The following FOXN3 variants were observed in gnomAD, a reference collection of about 807,000 sequenced individuals.
FOXN3 encodes forkhead box protein N3.
In FOXN3, 7 loss-of-function variants were observed where a neutral mutation model predicts 38.4. The ratio of observed to expected loss-of-function variants is 0.18; its 90% CI spans 0.10 to 0.34. FOXN3 has a LOEUF of 0.34. Among genes scored for constraint, FOXN3 ranks in the 10% least tolerant of loss-of-function variants. The pLI is 1.00. For synonymous variants in FOXN3, 230 were observed against 242.2 expected (o/e 0.95, Z 0.47); for missense variants, 456 against 613.4 (o/e 0.74, Z 2.71).
chr14:89,344,684 C>G lies in FOXN3; in HGVS notation c.680+5988G>C, dbSNP rs1180979428. On this transcript the variant is annotated intron_variant, in intron 3 of 5. Transcript: ENST00000557258. ...ATACCCCCACTATAAGTACCAAAAT[C>G]ACAAAGTCAAGGTCACCCATTGAGG... 2.0e-5 allele frequency among the ~76,000 whole-genome samples: 3 copies of G among 152,290 alleles called. No homozygotes were observed. The East Asian group carries it at 5.8e-4, about 29-fold the overall frequency.
chr14:89,529,967 G>T (rs1392655836), intron 1 of FOXN3, among the ~76,000 whole-genome samples: 5 of 150,068 alleles, frequency 3.3e-5, no homozygotes, highest in African/African-American at 4.9e-5. Flanking sequence ...TTGATACAGG[G>T]TCTCACTCTG....
chr14:89,393,416 C>A (rs1891012477), intron 2 of FOXN3, among the ~76,000 whole-genome samples: 1 of 152,202 alleles, frequency 6.6e-6, no homozygotes, highest in Admixed American at 6.5e-5. Flanking sequence ...TGAACACCTG[C>A]TTACACAGGA....
In FOXN3 at chr14:89,412,518, G is replaced by A. The variant is rs773640126; in HGVS notation, c.-14-28C>T. 6.5e-7 allele frequency: 1 copy of A among 1,546,976 alleles called. No homozygotes were observed. Among genetic ancestry groups the A allele is most frequent in the South Asian group, 1.2e-5 (1 of 80,942 alleles). ...AGTAAAGACATCACAAAGAAATGAT[G>A]AGCTGGCGAGGCCCAAAACAGAAAG... On this transcript the variant is annotated intron_variant, in intron 1 of 5. Transcript: ENST00000557258. The surrounding 1 kb of genome is among the most constrained non-coding windows in gnomAD (Gnocchi z 4.7).
chr14:89,240,323 A>T (rs1289534000), intron 4 of FOXN3, among the ~76,000 whole-genome samples: 1 of 152,232 alleles, frequency 6.6e-6, no homozygotes, highest in East Asian at 1.9e-4. Flanking sequence ...AACTACACAG[A>T]AAAAGAAATA....
chr14:89,410,005 G>A (rs1053778483), intron 2 of FOXN3, among the ~76,000 whole-genome samples: 8 of 152,042 alleles, frequency 5.3e-5, no homozygotes, highest in Non-Finnish European at 1.0e-4. Flanking sequence ...AGATCTGCAC[G>A]CTCGACCCAG....
chr14:89,244,465 G>A (rs1885233075), intron 4 of FOXN3, among the ~76,000 whole-genome samples: 1 of 152,224 alleles, frequency 6.6e-6, no homozygotes, highest in Non-Finnish European at 1.5e-5. Flanking sequence ...TGCAAAGTGT[G>A]AAGAGTATGA....
intron 1 of FOXN3, among the ~76,000 whole-genome samples, chr14:89,482,026 T>G (rs1469713926): frequency 2.6e-5 from 4 of 152,258 alleles, no homozygotes; most frequent in Admixed American, 6.5e-5. Flanking sequence ...ATTTATTTTT[T>G]GCTTACAATT....
At chr14:89,350,487 A>C in intron 3 of FOXN3, 185 bp downstream of exon 3, 1 of 448,032 alleles carries the variant, frequency 2.2e-6, no homozygotes. Context: ...CTGACGCTGC[A>C]GCAGCGGTAA....
Position 89,176,164 on chromosome 14 carries a change from G to A in FOXN3, c.851+4537C>T, listed in dbSNP as rs537102041. Among the ~76,000 whole-genome samples the A allele has an allele frequency of 1.3e-3, 205 of 152,328 alleles. 1 individual carries two copies. Among genetic ancestry groups the A allele is most frequent in the Non-Finnish European group, 2.1e-3 (140 of 68,040 alleles). ...ATGGGCCAATCTTGGAGGTTATTGAGTAAAAAGTCAACACCGTAAAGTCAA... is the reference window on the plus strand; with the variant it reads ...ATGGGCCAATCTTGGAGGTTATTGAATAAAAAGTCAACACCGTAAAGTCAA... On this transcript the variant is annotated intron_variant, in intron 5 of 5. Coordinates refer to ENST00000557258, the MANE Select transcript of FOXN3 (RefSeq NM_005197.4).
intron 4 of FOXN3, among the ~76,000 whole-genome samples, chr14:89,246,503 C>T (rs61985233): frequency 2.0e-5 from 3 of 150,186 alleles, no homozygotes; most frequent in African/African-American, 4.9e-5. Flanking sequence ...CCCCACCCAG[C>T]GCCCACACCT....
At chr14:89,251,165 G>C (rs561469087) in intron 4 of FOXN3, among the ~76,000 whole-genome samples, 119 of 152,296 alleles carry the variant, frequency 7.8e-4, no homozygotes, top group African/African-American at 2.7e-3. Flanking sequence ...TGAGCCACTG[G>C]TGCCTTAGAA....
At chr14:89,229,252 C>T (rs1256447878) in intron 4 of FOXN3, among the ~76,000 whole-genome samples, 2 of 152,248 alleles carry the variant, frequency 1.3e-5, no homozygotes, top group South Asian at 2.1e-4. Context: ...CATTGATTGC[C>T]GGGCCAATAC....
Position 89,519,737 on chromosome 14 carries a change from C to T in FOXN3, c.-15+99291G>A, listed in dbSNP as rs544592788. Among the ~76,000 whole-genome samples the T allele has an allele frequency of 2.6e-5, 4 of 152,106 alleles. No homozygotes were observed. The East Asian group carries it at 5.8e-4, about 22-fold the overall frequency. ...CAGTAATGCCTTCAGGCTGTAGGACCGAAGCAAAGGGAGACTCAAGAACCT... is the reference window on the plus strand; with the variant it reads ...CAGTAATGCCTTCAGGCTGTAGGACTGAAGCAAAGGGAGACTCAAGAACCT... On this transcript the variant is annotated intron_variant, in intron 1 of 6. Transcript: ENST00000345097.
chr14:89,413,798 G>GAAAGGAAGGGAAAGAGAAGGGA (rs1566646732), intron 1 of FOXN3, among the ~76,000 whole-genome samples: 1 of 137,458 alleles, frequency 7.3e-6, no homozygotes, highest in Non-Finnish European at 1.5e-5. Flanking sequence ...AGGGAAAGAA[G>GAAAGGAAGGGAAAGAGAAGGGA]AAAGGAAGGG....
chr14:89,473,773 C>A (rs1020033332), intron 1 of FOXN3, among the ~76,000 whole-genome samples: 1 of 152,180 alleles, frequency 6.6e-6, no homozygotes, highest in Non-Finnish European at 1.5e-5. Context: ...AGTTTTAAAA[C>A]TCCAGATGTT....
At position 89,608,053 on chromosome 14, in the gene FOXN3, A is replaced by G. The variant is rs1896309190; in HGVS notation, c.-15+10975T>C. On this transcript the variant is annotated intron_variant, in intron 1 of 6. Coordinates refer to the FOXN3 transcript ENST00000345097. The stretch of plus-strand genomic sequence containing the variant: ...GAGTGCAGTGGCGCGATCTCAGCTC[A>G]CTGAAAGCTCCGCTTCCCAGGTTCA... Among the ~76,000 whole-genome samples the G allele has an allele frequency of 2.6e-5, 4 of 150,988 alleles. No homozygotes were observed. The South Asian group carries it at 8.4e-4, about 32-fold the overall frequency.
chr14:89,210,992 T>TG (rs1373184730), intron 4 of FOXN3, among the ~76,000 whole-genome samples: 1 of 152,200 alleles, frequency 6.6e-6, no homozygotes, highest in Non-Finnish European at 1.5e-5. Context: ...CTAGACATGT[T>TG]GCAAAAACCA....
At chr14:89,326,244 G>A (rs929201504) in intron 3 of FOXN3, among the ~76,000 whole-genome samples, 3 of 152,126 alleles carry the variant, frequency 2.0e-5, no homozygotes, top group African/African-American at 4.8e-5. Context: ...TAAGGCAGAA[G>A]CCTTTACATA....
chr14:89,384,497 CTAA>C (rs1890740366), intron 2 of FOXN3, among the ~76,000 whole-genome samples: 1 of 152,164 alleles, frequency 6.6e-6, no homozygotes, highest in African/African-American at 2.4e-5. Flanking sequence ...TAAAAAACAA[CTAA>C]TGACTTTCAT....
Sources: allele counts gnomAD v4.1 joint callset (sites outside exome capture counted in the v4.1 genomes callset), GRCh38; gene constraint gnomAD v4.1.1; non-coding constraint Gnocchi (gnomAD v3.1); transcripts MANE v1.5; gene names NCBI Gene and HGNC (gene_info 2026-07-23, HGNC 2026-07-21).